The following PSAT1 variants were observed in gnomAD, a reference collection of about 807,000 sequenced individuals.
PSAT1 encodes the protein phosphoserine aminotransferase 1, also known as phosphoserine aminotransferase.
Under a neutral mutation model 40.3 loss-of-function variants are expected in PSAT1, and 41 were observed. The ratio of observed to expected loss-of-function variants is 1.02; its 90% CI spans 0.79 to 1.32. The LOEUF (loss-of-function observed/expected upper bound fraction) is 1.32. PSAT1 is among the 40% of genes most tolerant of loss of function. The probability of loss-of-function intolerance (pLI) is 0.00; values close to 1 mark genes in which losing one functional copy is unlikely to be tolerated. For synonymous variants in PSAT1, 147 were observed against 170.5 expected, an observed-to-expected ratio of 0.86 and a Z score of 1.07; for missense variants, 406 against 455.8, an observed-to-expected ratio of 0.89 and a Z score of 0.99.
chr9:78,313,338 C>T lies in PSAT1; in HGVS notation c.741-4338C>T, dbSNP rs193203363. Among the ~76,000 whole-genome samples the T allele has an allele frequency of 4.6e-5, 7 of 152,258 alleles. No individual in the cohort carries two copies. The East Asian group carries it at 9.7e-4, about 21-fold the overall frequency. On this transcript the variant is annotated intron_variant, in intron 6 of 8. Transcript: ENST00000376588. The stretch of plus-strand genomic sequence containing the variant: ...TGAGATCGTGCCACTGCACTCCAGC[C>T]GGGGTGACAGCAAAACTCTGCCTCA...
chr9:78,307,573 G>A (rs1174751347), intron 5 of PSAT1, among the ~76,000 whole-genome samples: 6 of 152,204 alleles, frequency 3.9e-5, no homozygotes, highest in Admixed American at 2.0e-4. Flanking sequence ...CATGGAGAGA[G>A]GCATGGGAGA....
intron 4 of PSAT1, 37 bp from the exon 5 acceptor site, chr9:78,306,277 G>A: frequency 4.3e-6 from 7 of 1,611,072 alleles, no homozygotes; most frequent in Middle Eastern, 2.3e-4. Flanking sequence ...AGAGGAGAGT[G>A]AAAAGTGCAA....
At position 78,300,732 on chromosome 9, in the gene PSAT1, T is replaced by C. The variant is rs1828095879; in HGVS notation, c.121+70T>C. The C allele has an allele frequency of 1.7e-5, 23 of 1,391,182 alleles. No homozygotes were observed. In the East Asian group the frequency reaches 6.1e-4, roughly 37 times the overall value. 86.2% of individuals were successfully genotyped at this position (1,391,182 alleles called of 1,614,324 possible). A position where few individuals can be genotyped will look rare whatever the true frequency, so the allele number is the denominator to read the frequency against. The stretch of plus-strand genomic sequence containing the variant: ...AAGCTTTTTTTTTTTTTTTTTTTTT[T>C]AGAGGCAGGGTCCTGCTCTGTCACC... On this transcript the variant is annotated intron_variant, in intron 2 of 8. Transcript: ENST00000376588.
chr9:78,308,142 C>T (rs1828212323), intron 5 of PSAT1, among the ~76,000 whole-genome samples: 1 of 152,082 alleles, frequency 6.6e-6, no homozygotes, highest in African/African-American at 2.4e-5. Flanking sequence ...GTGTGCAGAG[C>T]GAATGTGAAT....
chr9:78,319,418 C>A (rs1243097052), intron 7 of PSAT1, among the ~76,000 whole-genome samples: 1 of 152,166 alleles, frequency 6.6e-6, no homozygotes, highest in Non-Finnish European at 1.5e-5. Context: ...CTTTCCCAGG[C>A]ACCATCTCAG....
At chr9:78,300,709 G>GCTT in intron 2 of PSAT1, 47 bp downstream of exon 2, 1 of 1,176,110 alleles carries the variant, frequency 8.5e-7, no homozygotes, top group Admixed American at 4.2e-5. Flanking sequence ...TTCAAAGGAA[G>GCTT]CTTTTTTTTT....
At chr9:78,305,289 A>G (rs1828165012) in intron 4 of PSAT1, among the ~76,000 whole-genome samples, 1 of 151,946 alleles carries the variant, frequency 6.6e-6, no homozygotes, top group African/African-American at 2.4e-5. Flanking sequence ...TAATTTTTGT[A>G]TTTTTAGTAG....
At chr9:78,323,015 C>T (rs536102230) in intron 7 of PSAT1, among the ~76,000 whole-genome samples, 1 of 152,284 alleles carries the variant, frequency 6.6e-6, no homozygotes, top group Non-Finnish European at 1.5e-5. Flanking sequence ...TTACCCTTCC[C>T]CAGCACTCTG....
chr9:78,326,947 A>AATTTTTTTTTTTTTTTTTTTT (rs1828505632), intron 7 of PSAT1, among the ~76,000 whole-genome samples: 1 of 87,976 alleles, frequency 1.1e-5, no homozygotes, highest in African/African-American at 7.3e-5. Flanking sequence ...ATATATATAT[A>AATTTTTTTTTTTTTTTTTTTT]TATATATATT....
At chr9:78,321,124 C>G (rs1011521164) in intron 7 of PSAT1, among the ~76,000 whole-genome samples, 1 of 152,166 alleles carries the variant, frequency 6.6e-6, no homozygotes, top group Non-Finnish European at 1.5e-5. Flanking sequence ...CAGGTCATCT[C>G]CTGGGGAATC....
At chr9:78,326,613 A>G (rs534013618) in intron 7 of PSAT1, among the ~76,000 whole-genome samples, 57 of 152,296 alleles carry the variant, frequency 3.7e-4, no homozygotes, top group Non-Finnish European at 5.3e-4. Flanking sequence ...AGGTACTTAT[A>G]TAGCATTTAA....
chr9:78,328,290 G>C (rs1828530358), intron 8 of PSAT1, 102 bp downstream of exon 8: 1 of 1,471,312 alleles, frequency 6.8e-7, no homozygotes, highest in Admixed American at 1.8e-5. Flanking sequence ...TGGAGTAGCA[G>C]TTATGTAATT....
In PSAT1 at chr9:78,312,004, A is replaced by G. The variant is rs529638226; in HGVS notation, c.740+3421A>G. On this transcript the variant is annotated intron_variant, in intron 6 of 8. Transcript: ENST00000376588. ...TACCTGGAGCCCTTCAGAACTTTGT[A>G]TCACATAGTAGAGTTCTTGAAAAGG... Among the ~76,000 whole-genome samples, 7 of 151,926 alleles carry G rather than the reference A, an allele frequency of 4.6e-5. No homozygotes were observed. In the East Asian group the frequency reaches 1.2e-3, roughly 25 times the overall value.
At chr9:78,328,257 A>C in intron 8 of PSAT1, 69 bp downstream of exon 8, 1 of 1,589,228 alleles carries the variant, frequency 6.3e-7, no homozygotes, top group Non-Finnish European at 8.6e-7. Flanking sequence ...GAATAAAACA[A>C]ATCTATAGGA....
chr9:78,324,088 G>A (rs1481310407), intron 7 of PSAT1, among the ~76,000 whole-genome samples: 3 of 152,120 alleles, frequency 2.0e-5, no homozygotes, highest in Non-Finnish European at 4.4e-5. Flanking sequence ...GTCCCGGTGT[G>A]TCCCTGAGCA....
chr9:78,307,465 G>A (rs1828201473), intron 5 of PSAT1, among the ~76,000 whole-genome samples: 1 of 152,224 alleles, frequency 6.6e-6, no homozygotes, highest in Non-Finnish European at 1.5e-5. Flanking sequence ...TTTATGGTCT[G>A]CTTTTTATTA....
intron 3 of PSAT1, 75 bp downstream of exon 3, chr9:78,302,098 T>A (rs2118628500): frequency 9.8e-7 from 1 of 1,016,508 alleles, no homozygotes; most frequent in African/African-American, 1.6e-5. Flanking sequence ...CAGTATTTTC[T>A]ACACTCTATT....
intron 7 of PSAT1, among the ~76,000 whole-genome samples, chr9:78,326,245 C>T (rs1017775433): frequency 6.6e-6 from 1 of 152,116 alleles, no homozygotes; most frequent in Non-Finnish European, 1.5e-5. Flanking sequence ...TAATGAATTC[C>T]ACCCGTAGAA....
At chr9:78,300,689 A>G in intron 2 of PSAT1, 27 bp downstream of exon 2, 1 of 1,447,988 alleles carries the variant, frequency 6.9e-7, no homozygotes, top group Non-Finnish European at 9.4e-7. Flanking sequence ...AATTCTGTGA[A>G]TGTCCATGTT....
Sources: gnomAD v4.1 joint callset for allele counts (sites outside exome capture counted in the v4.1 genomes callset) on GRCh38, gnomAD v4.1.1 for gene constraint, MANE v1.5 for transcripts, NCBI Gene and HGNC (gene_info 2026-07-23, HGNC 2026-07-21) for gene names.